The following RARB variants were observed in gnomAD, a reference collection of about 807,000 sequenced individuals.
RARB encodes HBV-activated protein.
In RARB, 17 loss-of-function variants were observed where a neutral mutation model predicts 51.9. The observed-to-expected ratio is 0.33, with a 90% CI of 0.22 to 0.49. The LOEUF is 0.49. Among genes scored for constraint, RARB ranks in the 20% least tolerant of loss-of-function variants. The pLI, the probability that RARB is intolerant of heterozygous loss-of-function variation, is 0.99. For missense variants in RARB, 369 were observed against 550.8 expected, an observed-to-expected ratio of 0.67 and a Z score of 3.30; for synonymous variants, 215 against 195.4, an observed-to-expected ratio of 1.10 and a Z score of -0.84.
At chr3:25,488,190 G>T (rs1172010352) in intron 2 of RARB, among the ~76,000 whole-genome samples, 1 of 152,172 alleles carries the variant, frequency 6.6e-6, no homozygotes, top group Admixed American at 6.5e-5. Flanking sequence ...ATGATTTACG[G>T]GGGCCCGGCT....
chr3:25,468,062 TAGAG>T (rs1334130148), intron 2 of RARB, among the ~76,000 whole-genome samples: 2 of 152,132 alleles, frequency 1.3e-5, no homozygotes, highest in Non-Finnish European at 1.5e-5. Flanking sequence ...GTGTGAGTCA[TAGAG>T]AGAAAGCATT....
chr3:25,299,505 C>A (rs750355224), intron 5 of RARB, among the ~76,000 whole-genome samples: 99 of 152,226 alleles, frequency 6.5e-4, no homozygotes, highest in Non-Finnish European at 1.1e-3. Context: ...TGGCCCACCT[C>A]ACTCGTAAAT....
chr3:25,493,441 G>A (rs115867528), intron 2 of RARB, among the ~76,000 whole-genome samples: 287 of 152,286 alleles, frequency 1.9e-3, no homozygotes, highest in African/African-American at 6.3e-3. Flanking sequence ...CCTACTGGCA[G>A]CATTTACTAC....
At chr3:25,375,721 A>G (rs1405800574) in intron 5 of RARB, among the ~76,000 whole-genome samples, 1 of 152,166 alleles carries the variant, frequency 6.6e-6, no homozygotes, top group Non-Finnish European at 1.5e-5. Context: ...TTCTCCCTAT[A>G]AATTCTCTGA....
chr3:25,568,122 C>G (rs537504932), intron 3 of RARB, among the ~76,000 whole-genome samples: 3 of 152,334 alleles, frequency 2.0e-5, no homozygotes, highest in Non-Finnish European at 4.4e-5. Context: ...GCACTTCCCA[C>G]TCATTTCACC....
At chr3:25,220,758 T>C (rs1701930347) in intron 5 of RARB, among the ~76,000 whole-genome samples, 1 of 152,196 alleles carries the variant, frequency 6.6e-6, no homozygotes, top group Admixed American at 6.5e-5. Context: ...CTCTTTCCTT[T>C]ATAAATTACC....
chr3:24,938,326 GT>G (rs1441571223), intron 2 of RARB, among the ~76,000 whole-genome samples: 1 of 152,094 alleles, frequency 6.6e-6, no homozygotes, highest in Non-Finnish European at 1.5e-5. Flanking sequence ...TTGTACTGTA[GT>G]TTGTTAGAGA....
chr3:25,560,819 G>A (rs1226756218), intron 3 of RARB, among the ~76,000 whole-genome samples: 1 of 151,916 alleles, frequency 6.6e-6, no homozygotes, highest in Non-Finnish European at 1.5e-5. Flanking sequence ...TATATATCAT[G>A]TGCATTTCAT....
intron 5 of RARB, among the ~76,000 whole-genome samples, chr3:25,272,254 G>T (rs1703272191): frequency 6.6e-6 from 1 of 152,188 alleles, no homozygotes; most frequent in Admixed American, 6.5e-5. Flanking sequence ...ACACTGATGT[G>T]AGGGAAGCCA....
At chr3:24,886,940 G>A (rs760509196) in intron 2 of RARB, among the ~76,000 whole-genome samples, 6 of 152,160 alleles carry the variant, frequency 3.9e-5, no homozygotes, top group South Asian at 4.1e-4. Context: ...CCTCTTTCCC[G>A]TTGGGAGTTT....
intron 2 of RARB, among the ~76,000 whole-genome samples, chr3:25,006,734 T>C (rs2125277663): frequency 6.6e-6 from 1 of 152,306 alleles, no homozygotes; most frequent in Non-Finnish European, 1.5e-5. Flanking sequence ...ACATGGGATT[T>C]TGAATCCACT....
At chr3:25,489,807 GGTAA>G (rs1287601070) in intron 2 of RARB, among the ~76,000 whole-genome samples, 1 of 152,202 alleles carries the variant, frequency 6.6e-6, no homozygotes, top group East Asian at 1.9e-4. Context: ...GGGGGGCCTG[GGTAA>G]GTATGACTGG....
chr3:25,099,807 A>G (rs1379702607), intron 3 of RARB, among the ~76,000 whole-genome samples: 1 of 152,058 alleles, frequency 6.6e-6, no homozygotes, highest in Admixed American at 6.6e-5. Context: ...AAGTACTTTT[A>G]CAGAGCTTGG....
intron 2 of RARB, among the ~76,000 whole-genome samples, chr3:24,896,422 G>A (rs550104138): frequency 1.3e-5 from 2 of 152,050 alleles, no homozygotes; most frequent in South Asian, 4.1e-4. Flanking sequence ...ACCACGTCCG[G>A]CTAATTTTTT....
At chr3:24,899,580 T>A (rs1166057167) in intron 2 of RARB, among the ~76,000 whole-genome samples, 5 of 152,178 alleles carry the variant, frequency 3.3e-5, no homozygotes, top group Admixed American at 6.5e-5. Flanking sequence ...CAGAGGAGTT[T>A]CTGTCGGCCA....
intron 2 of RARB, among the ~76,000 whole-genome samples, chr3:25,483,554 A>T (rs889616612): frequency 2.0e-5 from 3 of 150,686 alleles, no homozygotes; most frequent in East Asian, 1.9e-4. Flanking sequence ...TTTTCACTCA[A>T]AAAAAGAGAG....
intron 5 of RARB, among the ~76,000 whole-genome samples, chr3:25,334,959 G>T (rs1705021610): frequency 6.6e-6 from 1 of 152,174 alleles, no homozygotes; most frequent in East Asian, 1.9e-4. Flanking sequence ...GTGAAGATAA[G>T]AAACAATTTG....
intron 1 of RARB, among the ~76,000 whole-genome samples, chr3:24,839,509 G>A (rs1351058339): frequency 1.3e-5 from 2 of 149,828 alleles, no homozygotes; most frequent in Non-Finnish European, 3.0e-5. Context: ...AGACCAGCCT[G>A]GGCAACACAG....
intron 5 of RARB, among the ~76,000 whole-genome samples, chr3:25,336,800 C>T (rs1233653341): frequency 6.6e-6 from 1 of 152,122 alleles, no homozygotes; most frequent in Admixed American, 6.6e-5. Flanking sequence ...AAGAAATGGT[C>T]TGTATCACAT....
Sources: gnomAD v4.1 joint callset for allele counts (sites outside exome capture counted in the v4.1 genomes callset) on GRCh38, gnomAD v4.1.1 for gene constraint, MANE v1.5 for transcripts, NCBI Gene and HGNC (gene_info 2026-07-23, HGNC 2026-07-21) for gene names.